ZNF778: variants seen among roughly 807,000 people sequenced by gnomAD.
ZNF778 encodes zinc finger protein 778.
A neutral mutation model predicts 23.9 loss-of-function variants in ZNF778; 37 were observed. The observed-to-expected ratio is 1.54, with a 90% CI of 1.19 to 2.03. The LOEUF is 2.03. Among genes scored for constraint, ZNF778 ranks in the 30% most tolerant of loss-of-function variants. The probability of loss-of-function intolerance (pLI) is 0.00; values close to 1 mark genes in which losing one functional copy is unlikely to be tolerated. For missense variants in ZNF778, 1,297 were observed against 934.4 expected (o/e 1.39, Z -5.06); for synonymous variants, 483 against 343.9 (o/e 1.40, Z -4.48).
rs1329886007 is a variant in ZNF778, at chr16:89,229,760, T to G, written c.*1198T>G. 1 of 984,398 alleles carries G rather than the reference T, an allele frequency of 1.0e-6. No individual in the cohort carries two copies. The highest frequency in any genetic ancestry group is 1.2e-6 in the Non-Finnish European group (1 of 829,794). 61.0% of individuals were successfully genotyped at this position (984,398 alleles called of 1,614,324 possible). A position where few individuals can be genotyped will look rare whatever the true frequency, so the allele number is the denominator to read the frequency against. On this transcript the variant is annotated 3_prime_UTR_variant, in exon 7 of 7. Transcript: ENST00000433976. ...AGCGTAGGCTCTGGTTGGTTAGTCTTGAGGATCCAGATGTGATTCTGTGAG... is the reference window on the plus strand; with the variant it reads ...AGCGTAGGCTCTGGTTGGTTAGTCTGGAGGATCCAGATGTGATTCTGTGAG...
At chr16:89,223,091 C>A (rs1204313053) in intron 3 of ZNF778, 66 bp from the exon 4 acceptor site, 6 of 1,567,614 alleles carry the variant, frequency 3.8e-6, no homozygotes, top group Admixed American at 1.9e-5. Flanking sequence ...GGCCCCGCCT[C>A]CTCATTCTTC....
intron 1 of ZNF778, chr16:89,218,438 G>A (rs1197929168): frequency 6.6e-6 from 1 of 152,210 alleles, no homozygotes; most frequent in East Asian, 1.9e-4. Flanking sequence ...TTGGTAAAGC[G>A]TCTGTTAAGG....
Position 89,230,818 on chromosome 16 carries a change from C to T in ZNF778, c.*2256C>T, listed in dbSNP as rs1475761637. The T allele has an allele frequency of 2.6e-5, 4 of 152,236 alleles. No homozygotes were observed. Among genetic ancestry groups the T allele is most frequent in the Non-Finnish European group, 1.5e-5 (1 of 68,062 alleles). The allele number at this position is 152,236 out of a possible 1,614,324, so 9.4% of individuals were successfully genotyped here. A position where few individuals can be genotyped will look rare whatever the true frequency, so the allele number is the denominator to read the frequency against. ...TCTACAACGAGGTGAACAATAAATC[C>T]TGGATGGACAGACCCGTGCACCTTC... On this transcript the variant is annotated 3_prime_UTR_variant, in exon 7 of 7. Coordinates refer to ENST00000433976, the MANE Select transcript of ZNF778 (RefSeq NM_001201407.2).
intron 1 of ZNF778, among the ~76,000 whole-genome samples, chr16:89,218,715 C>T (rs1356827631): frequency 6.6e-6 from 1 of 151,876 alleles, no homozygotes; most frequent in Non-Finnish European, 1.5e-5. Context: ...GGCGTGAACC[C>T]GGGAGGCGGA....
chr16:89,226,802 A>C lies in ZNF778; in HGVS notation c.514A>C (p.Ser172Arg). 6.2e-7 allele frequency: 1 copy of C among 1,613,896 alleles called. No individual in the cohort carries two copies. The highest frequency in any genetic ancestry group is 2.2e-5 in the East Asian group (1 of 44,898). The change falls in exon 7 of 7, where the codon AGT becomes CGT. Residue 172 changes from serine (S) to arginine (R), a missense_variant. Ser to Arg is a moderately radical substitution (Grantham distance 110). Coordinates refer to ENST00000433976, the MANE Select transcript of ZNF778 (RefSeq NM_001201407.2). Reference protein sequence around the residue: ...THVRTQNTGDSCVSNHYERDF... With the variant: ...THVRTQNTGDRCVSNHYERDF... ...CGTGAGAACTCAAAATACAGGAGAC[A>C]GTTGTGTGTCTAATCATTATGAAAG...
chr16:89,226,621 C>T lies in ZNF778; in HGVS notation c.406-73C>T, dbSNP rs558091601. 1.6e-5 allele frequency: 21 copies of T among 1,337,700 alleles called. No homozygotes were observed. In the Admixed American group the frequency reaches 2.9e-4, roughly 18 times the overall value. The allele number at this position is 1,337,700 out of a possible 1,614,324, so 82.9% of individuals were successfully genotyped here. ...AAATCGTAATCATCATCGTCATGCT[C>T]TGTCTTCAGCTGGGTGAGATCTATG... On this transcript the variant is annotated intron_variant, in intron 6 of 6. Transcript: ENST00000433976.
Position 89,226,998 on chromosome 16 carries a change from A to C in ZNF778, c.710A>C (p.Gln237Pro). The C allele has an allele frequency of 6.2e-7, 1 of 1,614,008 alleles. No individual in the cohort carries two copies. The highest frequency in any genetic ancestry group is 8.5e-7 in the Non-Finnish European group (1 of 1,179,892). ...AGCTGTGGGGAAGTGTTCCTTAATC[A>C]GTCATACCTTCAGGCACGTGCGGGA... ...YSSCGEVFLN[Q>P]SYLQARAGSH... is the part of the protein sequence containing the mutation. Residue 237 changes from glutamine (Q) to proline (P), a missense_variant, in exon 7 of 7, where the codon CAG becomes CCG. By Grantham distance (76) the Gln-to-Pro change is moderately conservative. Coordinates refer to ENST00000433976, the MANE Select transcript of ZNF778 (RefSeq NM_001201407.2).
chr16:89,229,434 G>A lies in ZNF778; in HGVS notation c.*872G>A. The A allele has an allele frequency of 1.0e-6, 1 of 976,902 alleles. No individual in the cohort carries two copies. The highest frequency in any genetic ancestry group is 1.2e-6 in the Non-Finnish European group (1 of 826,470). 60.5% of individuals were successfully genotyped at this position (976,902 alleles called of 1,614,324 possible). A position where few individuals can be genotyped will look rare whatever the true frequency, so the allele number is the denominator to read the frequency against. On this transcript the variant is annotated 3_prime_UTR_variant, in exon 7 of 7. Transcript: ENST00000433976. ...CTGTGAGCAGTGTAGGCTCTGGTTG[G>A]TTAGTCTTGAGGATGCAGATGTGAT...
Position 89,231,929 on chromosome 16 carries a change from C to T in ZNF778, c.*3367C>T, listed in dbSNP as rs943009564. The T allele has an allele frequency of 6.6e-6, 1 of 152,382 alleles. No homozygotes were observed. The highest frequency in any genetic ancestry group is 1.9e-4 in the East Asian group (1 of 5,202). The allele number at this position is 152,382 out of a possible 1,614,324, so 9.4% of individuals were successfully genotyped here. A position where few individuals can be genotyped will look rare whatever the true frequency, so the allele number is the denominator to read the frequency against. Reference sequence around the variant, plus strand: ...TCCTGCAGCAGAACTACAGACCTGCCATCCTGATAATTGTCAAACTCATCC... The same window carrying T: ...TCCTGCAGCAGAACTACAGACCTGCTATCCTGATAATTGTCAAACTCATCC... On this transcript the variant is annotated 3_prime_UTR_variant, in exon 7 of 7. Transcript: ENST00000433976.
In ZNF778 at chr16:89,231,457, C is replaced by T. The variant is rs1372829603; in HGVS notation, c.*2895C>T. On this transcript the variant is annotated 3_prime_UTR_variant, in exon 7 of 7. Transcript: ENST00000433976. ...GTGGAGACATCACCCCAGCACAGAC[C>T]TCAATTAAGACGACTACCCCTCCGA... 6.6e-6 allele frequency: 1 copy of T among 152,224 alleles called. No individual in the cohort carries two copies. Among genetic ancestry groups the T allele is most frequent in the East Asian group, 1.9e-4 (1 of 5,200 alleles). The allele number at this position is 152,224 out of a possible 1,614,324, so 9.4% of individuals were successfully genotyped here.
chr16:89,228,480 G>T lies in ZNF778; in HGVS notation c.2192G>T (p.Cys731Phe), dbSNP rs1343804349. The change falls in exon 7 of 7, where the codon TGT (cysteine) becomes TTT (phenylalanine). Residue 731 changes from cysteine (C) to phenylalanine (F), a missense_variant. Physicochemically the swap from Cys to Phe is radical, Grantham distance 205. Coordinates refer to ENST00000433976, the MANE Select transcript of ZNF778 (RefSeq NM_001201407.2). Reference sequence around the variant, plus strand: ...TACACTGAAGAGCAGGTTTTTGTATGTAAGGACTGTGGAAAATCTTTTAAG... The same window carrying T: ...TACACTGAAGAGCAGGTTTTTGTATTTAAGGACTGTGGAAAATCTTTTAAG... Reference protein sequence around the residue: ...KTYTEEQVFVCKDCGKSFKNS... With the variant: ...KTYTEEQVFVFKDCGKSFKNS... The T allele has an allele frequency of 6.2e-7, 1 of 1,612,276 alleles. No individual in the cohort carries two copies. The highest frequency in any genetic ancestry group is 1.1e-5 in the South Asian group (1 of 90,512).
Position 89,233,360 on chromosome 16 carries a change from G to T in ZNF778, c.*4798G>T, listed in dbSNP as rs1345279738. The T allele has an allele frequency of 8.0e-7, 1 of 1,251,510 alleles. No homozygotes were observed. The highest frequency in any genetic ancestry group is 1.7e-5 in the African/African-American group (1 of 59,840). 77.5% of individuals were successfully genotyped at this position (1,251,510 alleles called of 1,614,324 possible). A position where few individuals can be genotyped will look rare whatever the true frequency, so the allele number is the denominator to read the frequency against. On this transcript the variant is annotated 3_prime_UTR_variant, in exon 7 of 7. Transcript: ENST00000433976. ...ATGCAACTCAGCTCGCACTGCGTAT[G>T]CAACTCGCACTGCGTATGCAACTCA...
At position 89,225,634 on chromosome 16, in the gene ZNF778, A is replaced by G. The variant is rs1486848099; in HGVS notation, c.405+3A>G. On this transcript the variant is annotated splice_donor_region_variant and intron_variant, in intron 6 of 6. Transcript: ENST00000433976. ...GAGCATCAAATGAGACACAGACGGT[A>G]AGATTAACAAGAGAGATTTTTTTAT... 6.2e-6 allele frequency: 10 copies of G among 1,609,878 alleles called. No individual in the cohort carries two copies. The African/African-American group carries it at 1.1e-4, about 17-fold the overall frequency.
Position 89,228,516 on chromosome 16 carries a change from G to C in ZNF778, c.2228G>C (p.Cys743Ser), listed in dbSNP as rs760635831. ...GGAAAATCTTTTAAGAATTCCTCAT[G>C]CCTTAACCATCACACTCAAATTCAC... ...DCGKSFKNSS[C>S]LNHHTQIHTD... Residue 743 changes from cysteine to serine, a missense_variant, in exon 7 of 7, where the codon TGC (cysteine) becomes TCC (serine). Coordinates refer to ENST00000433976, the MANE Select transcript of ZNF778 (RefSeq NM_001201407.2). The C allele has an allele frequency of 6.2e-7, 1 of 1,602,668 alleles. No homozygotes were observed. The highest frequency in any genetic ancestry group is 1.1e-5 in the South Asian group (1 of 88,802).
At chr16:89,222,520 T>G in intron 3 of ZNF778, among the ~76,000 whole-genome samples, 1 of 152,224 alleles carries the variant, frequency 6.6e-6, no homozygotes, top group Non-Finnish European at 1.5e-5. Context: ...CCCACCAGCA[T>G]GCCTGGCTAA....
chr16:89,221,157 G>T lies in ZNF778; in HGVS notation c.25+5G>T. ...CAGCCCCTGACCTGGCCCACGGTAA[G>T]TCCTGGTGGGGCTCCTTCTCAGAGC... On this transcript the variant is annotated splice_donor_5th_base_variant and intron_variant, in intron 2 of 6. Transcript: ENST00000433976. The T allele has an allele frequency of 6.4e-7, 1 of 1,561,468 alleles. No individual in the cohort carries two copies. Among genetic ancestry groups the T allele is most frequent in the East Asian group, 2.4e-5 (1 of 41,834 alleles).
In ZNF778 at chr16:89,221,017, C is replaced by T. The variant is rs143986072; in HGVS notation, c.-111C>T. 5.8e-6 allele frequency: 7 copies of T among 1,203,782 alleles called. No individual in the cohort carries two copies. Among genetic ancestry groups the T allele is most frequent in the East Asian group, 5.2e-5 (2 of 38,502 alleles). 74.6% of individuals were successfully genotyped at this position (1,203,782 alleles called of 1,614,324 possible). A position where few individuals can be genotyped will look rare whatever the true frequency, so the allele number is the denominator to read the frequency against. On this transcript the variant is annotated 5_prime_UTR_variant, in exon 2 of 7. Coordinates refer to ENST00000433976, the MANE Select transcript of ZNF778 (RefSeq NM_001201407.2). ...GCTAGGAAATAGGGATCCAGCCATC[C>T]GTGGGTCAGGAGGAATGGAGACTGT...
At chr16:89,223,487 T>C (rs2031168177) in intron 4 of ZNF778, among the ~76,000 whole-genome samples, 1 of 152,144 alleles carries the variant, frequency 6.6e-6, no homozygotes, top group Non-Finnish European at 1.5e-5. Context: ...TCTAGAAACA[T>C]GCATTCTGAG....
In ZNF778 at chr16:89,230,726, G is replaced by T. The variant is rs74035756; in HGVS notation, c.*2164G>T. The T allele has an allele frequency of 6.6e-6, 1 of 152,192 alleles. No homozygotes were observed. The highest frequency in any genetic ancestry group is 1.5e-5 in the Non-Finnish European group (1 of 68,090). 9.4% of individuals were successfully genotyped at this position (152,192 alleles called of 1,614,324 possible). ...AGCAATCCTGGGTTATGTTTTTTGT[G>T]GCCATCAGGGCAGCAGCTGCTTGGT... On this transcript the variant is annotated 3_prime_UTR_variant, in exon 7 of 7. Coordinates refer to ENST00000433976, the MANE Select transcript of ZNF778 (RefSeq NM_001201407.2).
Sources: allele counts gnomAD v4.1 joint callset (sites outside exome capture counted in the v4.1 genomes callset), GRCh38; gene constraint gnomAD v4.1.1; transcripts MANE v1.5; gene names NCBI Gene and HGNC (gene_info 2026-07-23, HGNC 2026-07-21).